VPS13D: variants seen among roughly 807,000 people sequenced by gnomAD.
VPS13D encodes the protein intermembrane lipid transfer protein VPS13D.
VPS13D carries 187 observed loss-of-function variants against 461.9 expected under a neutral mutation model. The ratio of observed to expected loss-of-function variants is 0.40; its 90% CI spans 0.36 to 0.46. The LOEUF (loss-of-function observed/expected upper bound fraction) is 0.46. Ranked by LOEUF, VPS13D falls within the 20% of genes least tolerant of loss-of-function variation. The pLI is 0.60. For synonymous variants in VPS13D, 1,951 were observed against 1,986.3 expected (o/e 0.98, Z 0.47); for missense variants, 4,711 against 5,364.9 (o/e 0.88, Z 3.81).
At chr1:12,230,718 C>G (rs1267652046) in intron 1 of VPS13D, among the ~76,000 whole-genome samples, 1 of 151,930 alleles carries the variant, frequency 6.6e-6, no homozygotes, top group Non-Finnish European at 1.5e-5. Context: ...ACGCCCTGGC[C>G]CAGCCACTCC....
At position 12,245,706 on chromosome 1, in the gene VPS13D, G is replaced by A. The variant is rs12044107; in HGVS notation, c.447+1089G>A. On this transcript the variant is annotated intron_variant, in intron 5 of 69. Coordinates refer to ENST00000620676, the MANE Select transcript of VPS13D (RefSeq NM_015378.4). ...AATAGTGCCCCTGCACCCCATTCTG[G>A]GCAACAGACCAAAACCCTGTATCTT... 1.5e-4 allele frequency among the ~76,000 whole-genome samples: 23 copies of A among 151,946 alleles called. No individual in the cohort carries two copies. In the East Asian group the frequency reaches 4.3e-3, roughly 28 times the overall value.
At chr1:12,388,313 G>A (rs1363310147) in intron 60 of VPS13D, among the ~76,000 whole-genome samples, 1 of 152,108 alleles carries the variant, frequency 6.6e-6, no homozygotes, top group Non-Finnish European at 1.5e-5. Flanking sequence ...GGTGGCTCAC[G>A]CCTGTAATCC....
chr1:12,507,139 C>T lies in VPS13D; in HGVS notation c.13035+46C>T, dbSNP rs1215558633. On this transcript the variant is annotated intron_variant, in intron 69 of 69. Coordinates refer to ENST00000620676, the MANE Select transcript of VPS13D (RefSeq NM_015378.4). This position sits in a 1 kb window ranked among gnomAD's most constrained non-coding sequence, Gnocchi z 5.3. ...AGGCTCCTGAGGGGCGGGGCCAGGG[C>T]CTCGATGCCTCTGCCCTGCTTCCCC... 3 of 1,611,176 alleles carry T rather than the reference C, an allele frequency of 1.9e-6. No individual in the cohort carries two copies. Among genetic ancestry groups the T allele is most frequent in the Non-Finnish European group, 1.7e-6 (2 of 1,178,440 alleles).
At chr1:12,467,764 T>A (rs1212976510) in intron 67 of VPS13D, among the ~76,000 whole-genome samples, 1 of 152,234 alleles carries the variant, frequency 6.6e-6, no homozygotes, top group Non-Finnish European at 1.5e-5. Flanking sequence ...CCAAGAGTCA[T>A]TTTTATGCAA....
intron 60 of VPS13D, among the ~76,000 whole-genome samples, chr1:12,394,674 G>A (rs1182658824): frequency 1.3e-5 from 2 of 152,112 alleles, no homozygotes; most frequent in Non-Finnish European, 2.9e-5. Flanking sequence ...GAGTAGGTCT[G>A]AAGTGGCTAA....
chr1:12,397,841 C>T (rs557400354), intron 60 of VPS13D, among the ~76,000 whole-genome samples: 2 of 152,254 alleles, frequency 1.3e-5, no homozygotes, highest in East Asian at 1.9e-4. Context: ...TAGAGATGGT[C>T]ACTAGAAACC....
In VPS13D at chr1:12,301,893, C is replaced by G. The variant is rs563692190; in HGVS notation, c.6216+2509C>G. 1.5e-3 allele frequency among the ~76,000 whole-genome samples: 229 copies of G among 152,220 alleles called. 1 individual carries two copies. Among genetic ancestry groups the G allele is most frequent in the Non-Finnish European group, 5.7e-4 (39 of 68,010 alleles). ...AAACTCTTGTGTCAGGGACTAAGAC[C>G]AAATACAGTTATGGTCCCTTAGCTA... On this transcript the variant is annotated intron_variant, in intron 25 of 69. Coordinates refer to ENST00000620676, the MANE Select transcript of VPS13D (RefSeq NM_015378.4).
chr1:12,293,228 G>A (rs765769648), intron 23 of VPS13D, among the ~76,000 whole-genome samples: 2 of 152,174 alleles, frequency 1.3e-5, no homozygotes, highest in East Asian at 1.9e-4. Flanking sequence ...AACATGGTGA[G>A]CAGGAATACT....
chr1:12,342,714 T>C (rs1362018619), intron 41 of VPS13D, 185 bp from the exon 42 acceptor site: 5 of 531,996 alleles, frequency 9.4e-6, no homozygotes, highest in Admixed American at 6.4e-5. Flanking sequence ...GTCAAATAAG[T>C]TGTGATTCAG....
intron 67 of VPS13D, among the ~76,000 whole-genome samples, chr1:12,486,147 G>T (rs1466754085): frequency 6.6e-6 from 1 of 152,214 alleles, no homozygotes. Flanking sequence ...TTTGACACAA[G>T]TTCAAGGAGA....
At chr1:12,349,491 T>A in intron 46 of VPS13D, 117 bp downstream of exon 46, 1 of 1,030,286 alleles carries the variant, frequency 9.7e-7, no homozygotes, top group African/African-American at 1.6e-5. Context: ...ATTTAAACTC[T>A]AAAGTTCTTA....
chr1:12,345,264 C>A, intron 42 of VPS13D, 110 bp from the exon 43 acceptor site: 1 of 1,330,296 alleles, frequency 7.5e-7, no homozygotes, highest in Non-Finnish European at 1.0e-6. Context: ...AAGGTTTAGC[C>A]AACTGGGTTT....
At chr1:12,422,433 C>T (rs776891024) in intron 65 of VPS13D, among the ~76,000 whole-genome samples, 72 of 152,162 alleles carry the variant, frequency 4.7e-4, no homozygotes, top group Non-Finnish European at 8.7e-4. Flanking sequence ...TTCTGCAGAT[C>T]AAATTTTTGT....
In VPS13D at chr1:12,348,834, C is replaced by G; in HGVS notation, c.9081C>G (p.Leu3027=). Residue 3027 remains leucine (L), a synonymous_variant, in exon 45 of 70, where the codon CTC becomes CTG. Transcript: ENST00000620676. ...IIHPQVYFSS[L]PPVRVVFAVT... Reference sequence around the variant, plus strand: ...TCGCTCTTTCACAGTTCTCTTCACTCCCACCAGTGCGGGTGGTCTTTGCAG... The same window carrying G: ...TCGCTCTTTCACAGTTCTCTTCACTGCCACCAGTGCGGGTGGTCTTTGCAG... The G allele has an allele frequency of 6.2e-7, 1 of 1,614,124 alleles. No homozygotes were observed. The highest frequency in any genetic ancestry group is 8.5e-7 in the Non-Finnish European group (1 of 1,179,998).
chr1:12,317,095 G>A (rs1410249449), intron 30 of VPS13D, among the ~76,000 whole-genome samples: 1 of 151,072 alleles, frequency 6.6e-6, no homozygotes, highest in Non-Finnish European at 1.5e-5. Context: ...AAAGATCTGG[G>A]CTGTCAGGTC....
At chr1:12,379,896 G>A (rs1644249948) in intron 57 of VPS13D, among the ~76,000 whole-genome samples, 1 of 151,890 alleles carries the variant, frequency 6.6e-6, no homozygotes, top group Non-Finnish European at 1.5e-5. Flanking sequence ...AGCCTCCCGA[G>A]TAGCTGGGAC....
chr1:12,462,879 C>A (rs544188563), intron 67 of VPS13D, among the ~76,000 whole-genome samples: 1 of 152,282 alleles, frequency 6.6e-6, no homozygotes, highest in East Asian at 1.9e-4. Flanking sequence ...CATGAAGGCA[C>A]TGGGGAGCCG....
intron 44 of VPS13D, among the ~76,000 whole-genome samples, chr1:12,347,689 C>T (rs925921979): frequency 2.0e-5 from 3 of 152,166 alleles, no homozygotes; most frequent in Non-Finnish European, 4.4e-5. Flanking sequence ...CTTTCACTTG[C>T]TGTTTGTCTT....
At chr1:12,291,568 A>G (rs1182294923) in intron 23 of VPS13D, among the ~76,000 whole-genome samples, 1 of 152,176 alleles carries the variant, frequency 6.6e-6, no homozygotes, top group Non-Finnish European at 1.5e-5. Flanking sequence ...GGCTGCAGTG[A>G]GCCATGACTG....
Sources: gnomAD v4.1 joint callset for allele counts (sites outside exome capture counted in the v4.1 genomes callset) on GRCh38, gnomAD v4.1.1 for gene constraint, Gnocchi (gnomAD v3.1) non-coding constraint, MANE v1.5 for transcripts, NCBI Gene and HGNC (gene_info 2026-07-23, HGNC 2026-07-21) for gene names.